The following STK33 variants were observed in gnomAD, a reference collection of about 807,000 sequenced individuals.
STK33 encodes serine/threonine kinase 33, also known as serine/threonine-protein kinase 33.
In STK33, 52 loss-of-function variants were observed where a neutral mutation model predicts 58.0. That is an observed-to-expected ratio of 0.90 (90% CI 0.72 to 1.13). The LOEUF (loss-of-function observed/expected upper bound fraction) is 1.13, where lower values mean the gene tolerates loss of function less well. STK33 is among the 50% of genes most tolerant of loss of function. The pLI is 0.00. For synonymous variants in STK33, 215 were observed against 200.1 expected (o/e 1.07, Z -0.63); for missense variants, 630 against 604.2 (o/e 1.04, Z -0.45).
chr11:8,475,081 G>A lies in STK33; in HGVS notation c.-161-15C>T. On this transcript the variant is annotated splice_polypyrimidine_tract_variant and intron_variant, in intron 4 of 15. Coordinates refer to ENST00000687296, the MANE Select transcript of STK33 (RefSeq NM_001352389.2). ...ACACGTGAGAGCTGCAGAAAGAAAA[G>A]AAATAACCATTTAGAGAAATTCTTA... The A allele has an allele frequency of 2.0e-6, 1 of 495,356 alleles. No homozygotes were observed. Among genetic ancestry groups the A allele is most frequent in the Non-Finnish European group, 3.5e-6 (1 of 289,104 alleles). The allele number at this position is 495,356 out of a possible 1,614,324, so 30.7% of individuals were successfully genotyped here. A position where few individuals can be genotyped will look rare whatever the true frequency, so the allele number is the denominator to read the frequency against.
In STK33 at chr11:8,538,904, A is replaced by T. The variant is rs140371308; in HGVS notation, c.-466+55179T>A. ...GTCCGGAACTCGCTTGTCTCAGATG[A>T]TAATTACAGGCCAATGAACCACTGC... is the stretch of plus-strand genomic sequence containing the variant. On this transcript the variant is annotated intron_variant, in intron 1 of 15. Coordinates refer to ENST00000687296, the MANE Select transcript of STK33 (RefSeq NM_001352389.2). Among the ~76,000 whole-genome samples the T allele has an allele frequency of 2.1e-3, 319 of 152,356 alleles. 1 individual carries two copies. The highest frequency in any genetic ancestry group is 7.4e-3 in the African/African-American group (307 of 41,584).
chr11:8,365,837 G>A, the STK33 span, among the ~76,000 whole-genome samples: 13 of 151,904 alleles, frequency 8.6e-5, no homozygotes, highest in Admixed American at 2.6e-4. Flanking sequence ...AGGCCCATGC[G>A]CCCACCTTCC....
intron 1 of STK33, among the ~76,000 whole-genome samples, chr11:8,553,381 T>TTACAATAG (rs1956504713): frequency 6.6e-6 from 1 of 151,210 alleles, no homozygotes; most frequent in Non-Finnish European, 1.5e-5. Flanking sequence ...GTAAGTTTGG[T>TTACAATAG]TACAATAGCA....
chr11:8,411,240 AT>A (rs775814803), intron 15 of STK33, among the ~76,000 whole-genome samples: 10 of 152,386 alleles, frequency 6.6e-5, no homozygotes, highest in Middle Eastern at 3.4e-3. Flanking sequence ...ATGAGAGAAC[AT>A]TACTGTCCTC....
intron 15 of STK33, among the ~76,000 whole-genome samples, chr11:8,411,602 A>T (rs1436319063): frequency 6.6e-6 from 1 of 152,212 alleles, no homozygotes; most frequent in Non-Finnish European, 1.5e-5. Flanking sequence ...CTTAGAGGAC[A>T]TCAAGGGAAG....
chr11:8,358,285 G>GT, the STK33 span, among the ~76,000 whole-genome samples: 1 of 152,090 alleles, frequency 6.6e-6, no homozygotes, highest in Non-Finnish European at 1.5e-5. Context: ...GGGTGGGGGG[G>GT]CATGTCTGAG....
chr11:8,457,470 G>A lies in STK33; in HGVS notation c.568C>T (p.Leu190Phe). The stretch of plus-strand genomic sequence containing the variant: ...CCATCCTCACAAAGCTCCATCACAA[G>A]GTACATTTTCTGACATTATATATAT... ...QVFETPKKMYLVMELCEDGEL... is the reference protein window; with the variant it reads ...QVFETPKKMYFVMELCEDGEL... The change falls in exon 9 of 16, where the codon CTT (leucine) becomes TTT (phenylalanine). Residue 190 changes from leucine (L) to phenylalanine (F), a missense_variant. Leu to Phe is a conservative substitution (Grantham distance 22). Transcript: ENST00000687296. 1 of 1,595,120 alleles carries A rather than the reference G, an allele frequency of 6.3e-7. No individual in the cohort carries two copies. The highest frequency in any genetic ancestry group is 1.1e-5 in the South Asian group (1 of 88,338).
intron 1 of STK33, among the ~76,000 whole-genome samples, chr11:8,483,094 T>C (rs899437051): frequency 6.6e-5 from 10 of 152,200 alleles, no homozygotes; most frequent in Admixed American, 2.0e-4. Context: ...AAGTTTCTAG[T>C]ACTTTGTCTG....
intron 1 of STK33, among the ~76,000 whole-genome samples, chr11:8,586,551 C>T (rs1045584778): frequency 6.6e-6 from 1 of 152,108 alleles, no homozygotes; most frequent in Non-Finnish European, 1.5e-5. Context: ...GGGCTGGACA[C>T]AGTGGCTCAC....
intron 14 of STK33, among the ~76,000 whole-genome samples, chr11:8,422,680 GGAAAA>G (rs1942099034): frequency 6.6e-6 from 1 of 151,914 alleles, no homozygotes; most frequent in Non-Finnish European, 1.5e-5. Context: ...TATTTTTCTA[GGAAAA>G]GAATTGTTTT....
At chr11:8,592,295 T>C (rs1361132421) in intron 1 of STK33, among the ~76,000 whole-genome samples, 1 of 152,044 alleles carries the variant, frequency 6.6e-6, no homozygotes, top group Non-Finnish European at 1.5e-5. Flanking sequence ...AATCAAACAA[T>C]TAAACAACTG....
chr11:8,516,673 C>T lies in STK33; in HGVS notation c.-465-36059G>A, dbSNP rs549812933. Reference sequence around the variant, plus strand: ...CCAAATGACCTTAGCAAATGGCATACCAGGAGATTATATCCCGTGCCTGGC... The same window carrying T: ...CCAAATGACCTTAGCAAATGGCATATCAGGAGATTATATCCCGTGCCTGGC... On this transcript the variant is annotated intron_variant, in intron 1 of 15. Transcript: ENST00000687296. Among the ~76,000 whole-genome samples, 4 of 152,360 alleles carry T rather than the reference C, an allele frequency of 2.6e-5. No individual in the cohort carries two copies. The South Asian group carries it at 6.2e-4, about 24-fold the overall frequency.
chr11:8,473,768 TGAA>T (rs1949007534), intron 5 of STK33, among the ~76,000 whole-genome samples: 1 of 152,202 alleles, frequency 6.6e-6, no homozygotes, highest in Non-Finnish European at 1.5e-5. Flanking sequence ...GGAGAACATA[TGAA>T]GAAGGCAAAA....
intron 15 of STK33, among the ~76,000 whole-genome samples, chr11:8,407,725 C>T (rs1272504459): frequency 1.3e-5 from 2 of 151,446 alleles, no homozygotes; most frequent in African/African-American, 2.4e-5. Flanking sequence ...ACCTATAGAA[C>T]GATATCACAC....
the STK33 span, among the ~76,000 whole-genome samples, chr11:8,352,235 C>G: frequency 6.6e-6 from 1 of 152,146 alleles, no homozygotes; most frequent in Non-Finnish European, 1.5e-5. Context: ...GCAGGATGAC[C>G]CCCCAGGTAA....
At chr11:8,520,598 T>C (rs1382556871) in intron 1 of STK33, among the ~76,000 whole-genome samples, 1 of 152,148 alleles carries the variant, frequency 6.6e-6, no homozygotes, top group African/African-American at 2.4e-5. Flanking sequence ...GAAAACCCCA[T>C]CGTCTCGGCC....
intron 1 of STK33, among the ~76,000 whole-genome samples, chr11:8,532,266 A>G (rs1035220440): frequency 6.6e-6 from 1 of 152,266 alleles, no homozygotes; most frequent in Non-Finnish European, 1.5e-5. Context: ...AGGAGTTAGC[A>G]AACTATGGCC....
At chr11:8,564,726 T>G (rs1324232980) in intron 1 of STK33, among the ~76,000 whole-genome samples, 1 of 152,142 alleles carries the variant, frequency 6.6e-6, no homozygotes, top group Non-Finnish European at 1.5e-5. Context: ...AACCTGTCAC[T>G]TAGGTCAAAA....
intron 1 of STK33, among the ~76,000 whole-genome samples, chr11:8,574,300 T>C (rs899777529): frequency 6.6e-6 from 1 of 152,198 alleles, no homozygotes; most frequent in Non-Finnish European, 1.5e-5. Flanking sequence ...ATGCAAGATA[T>C]TAATATTGAG....
Sources: allele counts gnomAD v4.1 joint callset (sites outside exome capture counted in the v4.1 genomes callset), GRCh38; gene constraint gnomAD v4.1.1; transcripts MANE v1.5; gene names NCBI Gene and HGNC (gene_info 2026-07-23, HGNC 2026-07-21).